The following SMYD3 variants were observed in gnomAD, a reference collection of about 807,000 sequenced individuals.
SMYD3 encodes the protein histone-lysine N-methyltransferase SMYD3.
In SMYD3, 36 loss-of-function variants were observed where a neutral mutation model predicts 57.7. The observed-to-expected ratio is 0.62, with a 90% CI of 0.48 to 0.82. The LOEUF (loss-of-function observed/expected upper bound fraction) is 0.82, where lower values mean the gene tolerates loss of function less well. SMYD3 is among the 40% of genes least tolerant of loss of function. The pLI is 0.00. For synonymous variants in SMYD3, 211 were observed against 195.0 expected (o/e 1.08, Z -0.68); for missense variants, 515 against 538.8 (o/e 0.96, Z 0.44).
intron 1 of SMYD3, among the ~76,000 whole-genome samples, chr1:246,470,362 G>C (rs2103047842): frequency 6.6e-6 from 1 of 151,968 alleles, no homozygotes; most frequent in South Asian, 2.1e-4. Flanking sequence ...TGGGTGTAGT[G>C]GCACACACGT....
At chr1:245,927,379 C>T (rs2056444458) in intron 7 of SMYD3, among the ~76,000 whole-genome samples, 1 of 152,228 alleles carries the variant, frequency 6.6e-6, no homozygotes, top group South Asian at 2.1e-4. Flanking sequence ...ATTCCCTTTG[C>T]ATCTTTGCTG....
intron 1 of SMYD3, among the ~76,000 whole-genome samples, chr1:246,401,607 C>G (rs1572464589): frequency 6.6e-6 from 1 of 151,358 alleles, no homozygotes; most frequent in South Asian, 2.1e-4. Flanking sequence ...TGCTAGGATA[C>G]AGGCATGAGC....
At chr1:246,438,874 C>T (rs776457832) in intron 1 of SMYD3, among the ~76,000 whole-genome samples, 2 of 151,466 alleles carry the variant, frequency 1.3e-5, no homozygotes, top group Admixed American at 6.6e-5. Context: ...ATAGGGTTCA[C>T]GCTCCCGTGA....
intron 1 of SMYD3, among the ~76,000 whole-genome samples, chr1:246,474,637 A>G (rs2068004665): frequency 1.3e-5 from 2 of 152,194 alleles, no homozygotes; most frequent in African/African-American, 4.8e-5. Context: ...AATACAAAAT[A>G]TAAGGATTGA....
At chr1:245,913,050 G>C (rs889702262) in intron 8 of SMYD3, among the ~76,000 whole-genome samples, 3 of 152,192 alleles carry the variant, frequency 2.0e-5, no homozygotes, top group African/African-American at 7.2e-5. Flanking sequence ...CTGCTATAAA[G>C]ACACATGCAC....
chr1:246,307,578 C>G (rs1197620607), intron 5 of SMYD3, among the ~76,000 whole-genome samples: 1 of 151,798 alleles, frequency 6.6e-6, no homozygotes, highest in African/African-American at 2.4e-5. Flanking sequence ...CGCCACCACG[C>G]CCGGCTAATT....
At chr1:246,367,054 T>C (rs1200231114) in intron 1 of SMYD3, among the ~76,000 whole-genome samples, 6 of 151,992 alleles carry the variant, frequency 3.9e-5, no homozygotes, top group Non-Finnish European at 8.8e-5. Context: ...TAGCAGTTTA[T>C]AGAAAAAGGA....
chr1:246,350,482 C>A (rs1330709657), intron 2 of SMYD3, among the ~76,000 whole-genome samples: 1 of 152,184 alleles, frequency 6.6e-6, no homozygotes, highest in East Asian at 1.9e-4. Flanking sequence ...CAATTCAGAT[C>A]TTTAGGTAGT....
intron 5 of SMYD3, chr1:246,326,342 T>C (rs2065348384): frequency 1.4e-6 from 1 of 690,122 alleles, no homozygotes; most frequent in Admixed American, 2.4e-5. Flanking sequence ...GGGGTGTTTC[T>C]GTCATCCCTA....
chr1:246,098,257 G>T (rs1408984696), intron 5 of SMYD3, among the ~76,000 whole-genome samples: 1 of 152,170 alleles, frequency 6.6e-6, no homozygotes, highest in Non-Finnish European at 1.5e-5. Flanking sequence ...TCTGCCTCTT[G>T]CATGTCAATA....
chr1:245,936,360 C>CTT (rs1373171005), intron 5 of SMYD3, among the ~76,000 whole-genome samples: 23 of 83,090 alleles, frequency 2.8e-4, no homozygotes, highest in Non-Finnish European at 7.9e-4. Flanking sequence ...AATACGTAAT[C>CTT]TTATTTTTTT....
intron 9 of SMYD3, among the ~76,000 whole-genome samples, chr1:245,861,670 CT>C (rs1431024832): frequency 6.6e-6 from 1 of 152,180 alleles, no homozygotes; most frequent in Admixed American, 6.5e-5. Flanking sequence ...TTGGATGCCT[CT>C]TCTCTTGGTT....
intron 2 of SMYD3, among the ~76,000 whole-genome samples, chr1:246,338,260 G>A (rs918442235): frequency 2.0e-5 from 3 of 152,118 alleles, no homozygotes; most frequent in Non-Finnish European, 4.4e-5. Context: ...TAAGGGTTAC[G>A]AATACAAGCA....
At chr1:246,102,385 T>A (rs1264976443) in intron 5 of SMYD3, among the ~76,000 whole-genome samples, 1 of 152,124 alleles carries the variant, frequency 6.6e-6, no homozygotes, top group African/African-American at 2.4e-5. Flanking sequence ...CCCTTCTCCA[T>A]AATGGCCAGC....
chr1:245,756,246 A>G (rs1221737632), intron 11 of SMYD3, among the ~76,000 whole-genome samples: 1 of 151,268 alleles, frequency 6.6e-6, no homozygotes, highest in Non-Finnish European at 1.5e-5. Flanking sequence ...TACCCATTGA[A>G]CTCAAGTGTA....
intron 5 of SMYD3, among the ~76,000 whole-genome samples, chr1:246,157,809 G>T (rs2062045864): frequency 6.6e-6 from 1 of 152,190 alleles, no homozygotes; most frequent in Non-Finnish European, 1.5e-5. Flanking sequence ...AAATTTTCAA[G>T]TGCCACAGAA....
At chr1:245,983,571 T>G (rs979725045) in intron 5 of SMYD3, among the ~76,000 whole-genome samples, 3 of 152,236 alleles carry the variant, frequency 2.0e-5, no homozygotes, top group African/African-American at 7.2e-5. Context: ...ATTTCAAACC[T>G]CCTGTGTGGG....
chr1:246,187,258 A>G (rs914849343), intron 5 of SMYD3, among the ~76,000 whole-genome samples: 1 of 150,592 alleles, frequency 6.6e-6, no homozygotes, highest in African/African-American at 2.5e-5. Context: ...ACTGCACTCC[A>G]GCCTAGGCAA....
Position 246,348,077 on chromosome 1 carries a change from T to TATATACACACATACATAC in SMYD3, c.228+6953_228+6954insGTATGTATGTGTGTATAT. Among the ~76,000 whole-genome samples, 5 of 86,506 alleles carry TATATACACACATACATAC rather than the reference T, an allele frequency of 5.8e-5. 1 individual carries two copies. Among genetic ancestry groups the TATATACACACATACATAC allele is most frequent in the Admixed American group, 2.7e-4 (2 of 7,372 alleles). The allele number at this position is 86,506 out of a possible 152,430, so 56.8% of individuals were successfully genotyped here. A position where few individuals can be genotyped will look rare whatever the true frequency, so the allele number is the denominator to read the frequency against. ...AGAAAACGTTATATATATATATATA[T>TATATACACACATACATAC]ACACACACACCATCAAATACTATGA... On this transcript the variant is annotated intron_variant, in intron 2 of 11. Coordinates refer to ENST00000490107, the MANE Select transcript of SMYD3 (RefSeq NM_001167740.2).
Sources: allele counts gnomAD v4.1 joint callset (sites outside exome capture counted in the v4.1 genomes callset), GRCh38; gene constraint gnomAD v4.1.1; transcripts MANE v1.5; gene names NCBI Gene and HGNC (gene_info 2026-07-23, HGNC 2026-07-21).